The following PDE4D variants were observed in gnomAD, a reference collection of about 807,000 sequenced individuals.
The protein encoded by PDE4D is phosphodiesterase 4D.
PDE4D carries 24 observed loss-of-function variants against 87.4 expected under a neutral mutation model. The observed-to-expected ratio is 0.27, with a 90% CI of 0.20 to 0.39. The LOEUF is 0.39. PDE4D is among the 10% of genes least tolerant of loss of function. PDE4D has a pLI of 1.00. For missense variants in PDE4D, 714 were observed against 1,041.0 expected (o/e 0.69, Z 4.32); for synonymous variants, 384 against 383.2 (o/e 1.00, Z -0.02).
chr5:59,427,048 C>T (rs923652015), intron 1 of PDE4D, among the ~76,000 whole-genome samples: 5 of 82,232 alleles, frequency 6.1e-5, no homozygotes, highest in South Asian at 8.2e-4. Flanking sequence ...CACACACACA[C>T]ATTACATATA....
At chr5:60,508,212 T>C (rs528691242) in intron 1 of PDE4D, among the ~76,000 whole-genome samples, 1 of 152,360 alleles carries the variant, frequency 6.6e-6, no homozygotes, top group African/African-American at 2.4e-5. Flanking sequence ...GGTTCCTTGT[T>C]GTTCAGGACC....
chr5:59,754,817 T>TG, intron 1 of PDE4D, among the ~76,000 whole-genome samples: 1 of 140,896 alleles, frequency 7.1e-6, no homozygotes, highest in African/African-American at 2.7e-5. Flanking sequence ...TTTTTTTTTT[T>TG]TTTTTTTTGC....
chr5:59,090,044 A>G (rs540518642), intron 5 of PDE4D, among the ~76,000 whole-genome samples: 1 of 152,262 alleles, frequency 6.6e-6, no homozygotes, highest in East Asian at 1.9e-4. Context: ...CTGGGTATTT[A>G]GGGACTAATA....
At chr5:59,305,006 G>C (rs538062267) in intron 1 of PDE4D, among the ~76,000 whole-genome samples, 1 of 152,226 alleles carries the variant, frequency 6.6e-6, no homozygotes, top group African/African-American at 2.4e-5. Flanking sequence ...GAATGCTGCT[G>C]TGAATCTGTC....
At chr5:60,458,619 G>C (rs1040311148) in intron 1 of PDE4D, among the ~76,000 whole-genome samples, 1 of 151,982 alleles carries the variant, frequency 6.6e-6, no homozygotes, top group Non-Finnish European at 1.5e-5. Context: ...CATCAAGTCT[G>C]GTTTTTTAGT....
chr5:60,112,926 TTC>T (rs1777824671), intron 2 of PDE4D, among the ~76,000 whole-genome samples: 1 of 152,126 alleles, frequency 6.6e-6, no homozygotes, highest in African/African-American at 2.4e-5. Context: ...AGGGTTCTGC[TTC>T]TGTTTGCCCT....
At chr5:59,997,102 T>C (rs1031454824) in intron 2 of PDE4D, among the ~76,000 whole-genome samples, 1 of 152,196 alleles carries the variant, frequency 6.6e-6, no homozygotes, top group Non-Finnish European at 1.5e-5. Flanking sequence ...AATTAACCTT[T>C]TGTAAATAGC....
intron 1 of PDE4D, among the ~76,000 whole-genome samples, chr5:60,223,556 T>C (rs966434658): frequency 1.3e-5 from 2 of 152,052 alleles, no homozygotes; most frequent in African/African-American, 2.4e-5. Context: ...TTCTGATGAC[T>C]GAATGGCCTG....
At chr5:60,000,370 A>G (rs983512916) in intron 2 of PDE4D, among the ~76,000 whole-genome samples, 39 of 152,272 alleles carry the variant, frequency 2.6e-4, no homozygotes, top group African/African-American at 8.4e-4. Flanking sequence ...GCGACCTTCA[A>G]TGACATTAGC....
At chr5:60,096,464 T>C (rs1477884204) in intron 2 of PDE4D, among the ~76,000 whole-genome samples, 3 of 152,122 alleles carry the variant, frequency 2.0e-5, no homozygotes, top group Admixed American at 6.6e-5. Flanking sequence ...ATCTCCAAAT[T>C]ATGCGTTTTC....
chr5:59,691,887 A>T (rs1751012921), intron 1 of PDE4D, among the ~76,000 whole-genome samples: 1 of 152,140 alleles, frequency 6.6e-6, no homozygotes, highest in Admixed American at 6.6e-5. Context: ...ATACATGTCA[A>T]GTCATAGGGG....
At chr5:59,074,752 CTG>C (rs1561437772) in intron 5 of PDE4D, among the ~76,000 whole-genome samples, 1 of 152,088 alleles carries the variant, frequency 6.6e-6, no homozygotes, top group Non-Finnish European at 1.5e-5. Context: ...GAGTGAGACA[CTG>C]TTTCAAAAAA....
At chr5:60,150,706 G>T (rs1196317234) in intron 2 of PDE4D, among the ~76,000 whole-genome samples, 5 of 152,092 alleles carry the variant, frequency 3.3e-5, no homozygotes, top group Admixed American at 1.3e-4. Flanking sequence ...ATATGACAAG[G>T]TCCCTAAGTA....
chr5:59,491,629 A>G (rs536495933), intron 1 of PDE4D, among the ~76,000 whole-genome samples: 1 of 152,338 alleles, frequency 6.6e-6, no homozygotes, highest in Admixed American at 6.5e-5. Flanking sequence ...TTCTCCAGAA[A>G]GATGATATAA....
intron 2 of PDE4D, among the ~76,000 whole-genome samples, chr5:60,125,648 T>G (rs1436250467): frequency 1.3e-5 from 2 of 152,146 alleles, no homozygotes; most frequent in African/African-American, 4.8e-5. Flanking sequence ...GATAGATAGA[T>G]AATTATTTAT....
intron 1 of PDE4D, among the ~76,000 whole-genome samples, chr5:59,287,847 T>C (rs886791727): frequency 6.6e-6 from 1 of 152,044 alleles, no homozygotes; most frequent in Non-Finnish European, 1.5e-5. Flanking sequence ...CTGGATATTA[T>C]CCAAGACTAC....
intron 2 of PDE4D, among the ~76,000 whole-genome samples, chr5:60,173,562 C>G (rs1234476711): frequency 6.6e-6 from 1 of 151,950 alleles, no homozygotes; most frequent in African/African-American, 2.4e-5. Context: ...AGAAATTACA[C>G]ACACACACAC....
intron 1 of PDE4D, among the ~76,000 whole-genome samples, chr5:60,337,213 A>G (rs1757843436): frequency 1.3e-5 from 2 of 150,476 alleles, no homozygotes; most frequent in Admixed American, 6.6e-5. Flanking sequence ...GGCACCTATA[A>G]TCGTAGCTAC....
At chr5:60,476,659 C>T (rs985778556) in intron 1 of PDE4D, among the ~76,000 whole-genome samples, 12 of 152,152 alleles carry the variant, frequency 7.9e-5, no homozygotes, top group Non-Finnish European at 1.5e-4. Flanking sequence ...GGAAGTACAG[C>T]TGCTGCAGCA....
Sources: gnomAD v4.1 joint callset for allele counts (sites outside exome capture counted in the v4.1 genomes callset) on GRCh38, gnomAD v4.1.1 for gene constraint, MANE v1.5 for transcripts, NCBI Gene and HGNC (gene_info 2026-07-23, HGNC 2026-07-21) for gene names.